The following GRHL2 variants were observed in gnomAD, a reference collection of about 807,000 sequenced individuals.
GRHL2 encodes the protein grainyhead-like protein 2 homolog.
Under a neutral mutation model 83.8 loss-of-function variants are expected in GRHL2, and 21 were observed. That is an observed-to-expected ratio of 0.25 (90% CI 0.18 to 0.36). The LOEUF is 0.36. Ranked by LOEUF, GRHL2 falls within the 10% of genes least tolerant of loss-of-function variation. The probability of loss-of-function intolerance (pLI) is 1.00; values close to 1 mark genes in which losing one functional copy is unlikely to be tolerated. For synonymous variants in GRHL2, 280 were observed against 278.9 expected, an observed-to-expected ratio of 1.00 and a Z score of -0.04; for missense variants, 623 against 781.8, an observed-to-expected ratio of 0.80 and a Z score of 2.42.
At chr8:101,655,354 C>T (rs1489402381) in intron 14 of GRHL2, among the ~76,000 whole-genome samples, 9 of 152,130 alleles carry the variant, frequency 5.9e-5, no homozygotes, top group Non-Finnish European at 8.8e-5. Context: ...TGTTTGGTTT[C>T]CTTCCTTGCA....
At position 101,558,692 on chromosome 8, in the gene GRHL2, C is replaced by G. The variant is rs764647109; in HGVS notation, c.558C>G (p.Ile186Met). The G allele has an allele frequency of 1.9e-6, 3 of 1,614,072 alleles. No homozygotes were observed. Among genetic ancestry groups the G allele is most frequent in the Admixed American group, 1.7e-5 (1 of 60,002 alleles). ...ATGGGGAAGAGCAACGAGTGGTTAT[C>G]TTTGAACAGACTCAGTATGACGTGC... is the stretch of plus-strand genomic sequence containing the variant. ...RGDGEEQRVV[I>M]FEQTQYDVPS... The change falls in exon 4 of 16, where the codon ATC becomes ATG. Residue 186 changes from isoleucine (I) to methionine (M), a missense_variant. Physicochemically the swap from Ile to Met is conservative, Grantham distance 10. Around this residue, in one of 8 missense-constraint regions of GRHL2, gnomAD observed 239 missense variants for 240.5 expected, o/e 0.99. Coordinates refer to ENST00000646743, the MANE Select transcript of GRHL2 (RefSeq NM_024915.4).
chr8:101,506,641 C>T (rs564717629), intron 1 of GRHL2, among the ~76,000 whole-genome samples: 6 of 151,922 alleles, frequency 3.9e-5, no homozygotes, highest in East Asian at 3.9e-4. Context: ...TTTTTATCTC[C>T]GGTTATTACT....
At chr8:101,547,239 T>C (rs1811285749) in intron 2 of GRHL2, among the ~76,000 whole-genome samples, 3 of 152,210 alleles carry the variant, frequency 2.0e-5, no homozygotes, top group Admixed American at 2.0e-4. Flanking sequence ...AGTCTGTTTT[T>C]TTTTTTGGTT....
intron 8 of GRHL2, among the ~76,000 whole-genome samples, chr8:101,612,879 A>G (rs1364058272): frequency 6.6e-6 from 1 of 151,000 alleles, no homozygotes; most frequent in East Asian, 1.9e-4. Flanking sequence ...CATGGAGCAA[A>G]CAGACAATTA....
intron 2 of GRHL2, among the ~76,000 whole-genome samples, chr8:101,551,906 G>A (rs1811387437): frequency 2.0e-5 from 3 of 151,162 alleles, no homozygotes; most frequent in African/African-American, 7.3e-5. Context: ...CGCGATCTCG[G>A]CTCACTGCAA....
chr8:101,617,710 G>T (rs1024517602), intron 8 of GRHL2, among the ~76,000 whole-genome samples: 3 of 152,106 alleles, frequency 2.0e-5, no homozygotes, highest in Non-Finnish European at 2.9e-5. Context: ...TCACTATGTT[G>T]CCCAGGCTGA....
At chr8:101,550,025 G>A in intron 2 of GRHL2, among the ~76,000 whole-genome samples, 1 of 151,782 alleles carries the variant, frequency 6.6e-6, no homozygotes. Flanking sequence ...GGGGAGGCAG[G>A]TCTCCTTTTT....
intron 1 of GRHL2, among the ~76,000 whole-genome samples, chr8:101,495,972 C>T (rs1810093495): frequency 6.6e-6 from 1 of 151,992 alleles, no homozygotes; most frequent in Admixed American, 6.6e-5. Context: ...CATAGTGAAA[C>T]CCTGTCTCTA....
intron 7 of GRHL2, among the ~76,000 whole-genome samples, chr8:101,592,875 A>T (rs958437999): frequency 2.6e-5 from 4 of 152,226 alleles, no homozygotes; most frequent in African/African-American, 9.6e-5. Flanking sequence ...GCAGCACATG[A>T]CATTAACAAT....
intron 1 of GRHL2, among the ~76,000 whole-genome samples, chr8:101,530,787 C>G (rs530854638): frequency 1.2e-4 from 19 of 152,252 alleles, no homozygotes; most frequent in African/African-American, 4.3e-4. Context: ...TGCATAATTT[C>G]TCTATTACTC....
intron 9 of GRHL2, among the ~76,000 whole-genome samples, chr8:101,628,322 T>C (rs1201428360): frequency 1.3e-5 from 2 of 151,988 alleles, no homozygotes; most frequent in Non-Finnish European, 2.9e-5. Flanking sequence ...TCTAGTCTGC[T>C]TGTGCTCTGT....
chr8:101,592,816 G>C (rs954833059), intron 7 of GRHL2, among the ~76,000 whole-genome samples: 1 of 152,154 alleles, frequency 6.6e-6, no homozygotes, highest in Non-Finnish European at 1.5e-5. Flanking sequence ...AGATTCCAAG[G>C]ACACACACAG....
At chr8:101,645,976 C>T (rs1197296193) in intron 13 of GRHL2, among the ~76,000 whole-genome samples, 1 of 152,136 alleles carries the variant, frequency 6.6e-6, no homozygotes, top group African/African-American at 2.4e-5. Flanking sequence ...CATGCTCAGG[C>T]GATCCTCCCA....
chr8:101,638,765 C>T (rs2186391), intron 12 of GRHL2, among the ~76,000 whole-genome samples: 18,184 of 152,150 alleles, frequency 0.12, 2,373 homozygotes, highest in African/African-American at 0.33. Flanking sequence ...ACATTCCCAG[C>T]GGTTAGAATG....
Position 101,573,766 on chromosome 8 carries a change from T to C in GRHL2, c.833T>C (p.Ile278Thr). The change falls in exon 6 of 16, where the codon ATA (isoleucine) becomes ACA (threonine). Residue 278 changes from isoleucine (I) to threonine (T), a missense_variant. Transcript: ENST00000646743. ...CTCAACAAAGGACAGTTCTATGCCA[T>C]AACACTCAGCGAGACCGGAGACAAC... ...TYLNKGQFYA[I>T]TLSETGDNKC... 6.2e-7 allele frequency: 1 copy of C among 1,614,102 alleles called. No homozygotes were observed. Among genetic ancestry groups the C allele is most frequent in the Non-Finnish European group, 8.5e-7 (1 of 1,180,020 alleles).
chr8:101,541,729 T>C (rs1198064547), intron 1 of GRHL2, among the ~76,000 whole-genome samples: 3 of 152,154 alleles, frequency 2.0e-5, no homozygotes, highest in African/African-American at 7.2e-5. Context: ...GCAGGCTCTG[T>C]TATTTGATAG....
intron 1 of GRHL2, among the ~76,000 whole-genome samples, chr8:101,516,413 T>C (rs1012916019): frequency 3.6e-5 from 3 of 82,850 alleles, no homozygotes; most frequent in South Asian, 3.8e-4. Context: ...TCTTTTCCTT[T>C]TTTTTTTTTT....
At chr8:101,498,143 G>C (rs1461806593) in intron 1 of GRHL2, among the ~76,000 whole-genome samples, 1 of 152,208 alleles carries the variant, frequency 6.6e-6, no homozygotes, top group Admixed American at 6.5e-5. Context: ...TTTTGAGACA[G>C]AGTATTGCTC....
At chr8:101,579,119 A>G (rs1396995546) in intron 7 of GRHL2, among the ~76,000 whole-genome samples, 2 of 152,196 alleles carry the variant, frequency 1.3e-5, no homozygotes, top group Non-Finnish European at 2.9e-5. Context: ...GGTGACTAGG[A>G]CGGGGATTGG....
Sources: allele counts gnomAD v4.1 joint callset (sites outside exome capture counted in the v4.1 genomes callset), GRCh38; gene constraint gnomAD v4.1.1; regional missense constraint gnomAD v4.1.1; transcripts MANE v1.5; gene names NCBI Gene and HGNC (gene_info 2026-07-23, HGNC 2026-07-21).